The following DCAF8L2 variants were observed in gnomAD, a reference collection of about 807,000 sequenced individuals.
DCAF8L2 encodes the protein DDB1- and CUL4-associated factor 8-like protein 2.
For synonymous variants in DCAF8L2, 200 were observed against 190.9 expected (o/e 1.05, Z -0.39); for missense variants, 430 against 490.7 (o/e 0.88, Z 1.17).
the DCAF8L2 span, among the ~76,000 whole-genome samples, chrX:27,485,130 G>A: frequency 2.7e-5 from 3 of 111,802 alleles, no homozygotes; most frequent in African/African-American, 9.7e-5. Context: ...ATAGTATATT[G>A]TGTGTTTGAT....
At chrX:27,628,976 G>A (rs913745201) in intron 1 of DCAF8L2, among the ~76,000 whole-genome samples, 2 of 111,424 alleles carry the variant, frequency 1.8e-5, no homozygotes, top group Non-Finnish European at 3.8e-5. Context: ...TAATGATGTT[G>A]ATTACCTTCT....
the DCAF8L2 span, among the ~76,000 whole-genome samples, chrX:27,490,423 G>GGTTTTTTT: frequency 5.4e-5 from 6 of 110,320 alleles, no homozygotes; most frequent in East Asian, 1.4e-3. Context: ...TGGGATTTTA[G>GGTTTTTTT]GTTTTTTTGT....
chrX:27,498,511 T>A, the DCAF8L2 span, among the ~76,000 whole-genome samples: 1 of 112,680 alleles, frequency 8.9e-6, no homozygotes, highest in East Asian at 2.8e-4. Context: ...ACTGTAACAA[T>A]CAAGCTAATT....
At chrX:27,619,400 A>G (rs1418313449) in intron 1 of DCAF8L2, among the ~76,000 whole-genome samples, 2 of 111,011 alleles carry the variant, frequency 1.8e-5, no homozygotes, top group African/African-American at 6.6e-5. Flanking sequence ...GGAGAGAGAG[A>G]AAGAGAGAGA....
chrX:27,551,516 T>C, the DCAF8L2 span, among the ~76,000 whole-genome samples: 3 of 111,650 alleles, frequency 2.7e-5, no homozygotes, highest in African/African-American at 9.8e-5. Context: ...TTATTCACTT[T>C]ATTTAAATAT....
intron 3 of DCAF8L2, among the ~76,000 whole-genome samples, chrX:27,696,408 TCTAA>T (rs748904170): frequency 9.0e-6 from 1 of 111,199 alleles, no homozygotes; most frequent in South Asian, 3.8e-4. Context: ...CAAGCCTGAC[TCTAA>T]CTGTGGTTTC....
chrX:27,707,423 GAC>G (rs1337756724), intron 3 of DCAF8L2, among the ~76,000 whole-genome samples: 1 of 111,420 alleles, frequency 9.0e-6, no homozygotes, highest in Non-Finnish European at 1.9e-5. Flanking sequence ...GATGGCTAGA[GAC>G]ACAGATATAT....
intron 2 of DCAF8L2, among the ~76,000 whole-genome samples, chrX:27,662,350 GA>G (rs1344657279): frequency 1.8e-5 from 2 of 111,157 alleles, no homozygotes; most frequent in East Asian, 5.7e-4. Flanking sequence ...ACATATAAAA[GA>G]AAATAGGGAT....
At chrX:27,535,146 G>A in the DCAF8L2 span, among the ~76,000 whole-genome samples, 1 of 111,844 alleles carries the variant, frequency 8.9e-6, no homozygotes, top group Non-Finnish European at 1.9e-5. Flanking sequence ...TGAACAAGAT[G>A]TATGTAGCTC....
the DCAF8L2 span, among the ~76,000 whole-genome samples, chrX:27,482,149 C>T: frequency 9.0e-6 from 1 of 111,084 alleles, no homozygotes; most frequent in African/African-American, 3.3e-5. Flanking sequence ...CGAGTTATGC[C>T]TTTCTAAATG....
the DCAF8L2 span, among the ~76,000 whole-genome samples, chrX:27,546,969 G>A: frequency 1.8e-5 from 2 of 112,355 alleles, no homozygotes; most frequent in African/African-American, 3.2e-5. Context: ...TCTGCAGCAG[G>A]CTTGAATTTC....
the DCAF8L2 span, among the ~76,000 whole-genome samples, chrX:27,517,046 G>A: frequency 3.6e-5 from 4 of 111,227 alleles, no homozygotes; most frequent in African/African-American, 1.3e-4. Flanking sequence ...AGCCATCAAA[G>A]GATTACAGGA....
chrX:27,553,147 G>A, the DCAF8L2 span, among the ~76,000 whole-genome samples: 1 of 111,653 alleles, frequency 9.0e-6, no homozygotes, highest in Admixed American at 9.5e-5. Flanking sequence ...TCATTTGTTA[G>A]TTCTAACAGT....
the DCAF8L2 span, chrX:27,518,928 GC>G: frequency 1.7e-6 from 1 of 571,458 alleles, no homozygotes; most frequent in Non-Finnish European, 3.1e-6. Context: ...TTGCTATAAA[GC>G]CAATAGACAA....
chrX:27,538,998 T>C, the DCAF8L2 span, among the ~76,000 whole-genome samples: 1 of 112,065 alleles, frequency 8.9e-6, no homozygotes, highest in Non-Finnish European at 1.9e-5. Flanking sequence ...CTGATCAAAC[T>C]GCACTGACTT....
At chrX:27,687,707 A>G (rs186896573) in intron 3 of DCAF8L2, among the ~76,000 whole-genome samples, 1 of 111,308 alleles carries the variant, frequency 9.0e-6, no homozygotes, top group East Asian at 2.8e-4. Flanking sequence ...TTTAAAAAAT[A>G]GTTGGTCCTG....
intron 3 of DCAF8L2, among the ~76,000 whole-genome samples, chrX:27,709,274 G>C (rs1292792966): frequency 8.9e-6 from 1 of 112,605 alleles, no homozygotes; most frequent in African/African-American, 3.2e-5. Flanking sequence ...TTCTGGGCTA[G>C]TTCTCTTCAC....
At chrX:27,712,796 G>A (rs1462251430) in intron 3 of DCAF8L2, 1 of 111,876 alleles carries the variant, frequency 8.9e-6, no homozygotes, top group Admixed American at 9.6e-5. Context: ...ATATTTGTGG[G>A]AGGATCAATA....
chrX:27,502,330 AAAAAAATATAT>A, the DCAF8L2 span, among the ~76,000 whole-genome samples: 2 of 35,073 alleles, frequency 5.7e-5, no homozygotes, highest in African/African-American at 2.5e-4. Context: ...AAAAAAAAAA[AAAAAAATATAT>A]ATATATATAT....
Sources: allele counts gnomAD v4.1 joint callset (sites outside exome capture counted in the v4.1 genomes callset), GRCh38; gene constraint gnomAD v4.1.1; transcripts MANE v1.5; gene names NCBI Gene and HGNC (gene_info 2026-07-23, HGNC 2026-07-21).